PALLD: variants seen among roughly 807,000 people sequenced by gnomAD.
PALLD encodes palladin, cytoskeletal associated protein, also known as palladin.
In PALLD, 61 loss-of-function variants were observed where a neutral mutation model predicts 123.5. The ratio of observed to expected loss-of-function variants is 0.49; its 90% confidence interval spans 0.40 to 0.61. The LOEUF (loss-of-function observed/expected upper bound fraction) is 0.61. PALLD is among the 20% of genes least tolerant of loss of function. PALLD has a pLI of 0.00. For synonymous variants in PALLD, 465 were observed against 496.4 expected, an observed-to-expected ratio of 0.94 and a Z score of 0.84; for missense variants, 1,273 against 1,377.0, an observed-to-expected ratio of 0.92 and a Z score of 1.20.
rs187273158 is a variant in PALLD at position 168,921,941 on chromosome 4, C to T, written c.3058+200C>T. Among the ~76,000 whole-genome samples, 487 of 152,132 alleles carry T rather than the reference C, an allele frequency of 3.2e-3. 5 individuals are homozygous for T. Among genetic ancestry groups the T allele is most frequent in the South Asian group, 0.027 (132 of 4,814 alleles). On this transcript the variant is annotated intron_variant, in intron 18 of 21. Transcript: ENST00000505667. ...TCTTTCATTTCTCCCACTAACCTGG[C>T]AAAGAGAGAAAAAGATTTTATTAGC...
Position 168,820,003 on chromosome 4 carries a change from T to A in PALLD, c.1965-70919T>A, listed in dbSNP as rs533946480. Among the ~76,000 whole-genome samples the A allele has an allele frequency of 2.0e-5, 3 of 152,372 alleles. No individual in the cohort carries two copies. In the South Asian group the frequency reaches 6.2e-4, roughly 32 times the overall value. ...GGCTGTTCTCTAGAGCTCTACTTGCTGCCTTTGCCTTCTTGCCCCTCTCCT... is the reference window on the plus strand; with the variant it reads ...GGCTGTTCTCTAGAGCTCTACTTGCAGCCTTTGCCTTCTTGCCCCTCTCCT... On this transcript the variant is annotated intron_variant, in intron 10 of 21. Coordinates refer to ENST00000505667, the MANE Select transcript of PALLD (RefSeq NM_001166108.2).
At chr4:168,671,236 T>A (rs974681366) in intron 3 of PALLD, among the ~76,000 whole-genome samples, 1 of 152,174 alleles carries the variant, frequency 6.6e-6, no homozygotes, top group African/African-American at 2.4e-5. Flanking sequence ...ATACTGATCT[T>A]TAACTTTTAA....
At chr4:168,512,705 C>G (rs552692214) in intron 2 of PALLD, among the ~76,000 whole-genome samples, 1 of 152,270 alleles carries the variant, frequency 6.6e-6, no homozygotes, top group South Asian at 2.1e-4. Context: ...AACAAATAGG[C>G]ACACTTAAGA....
intron 2 of PALLD, among the ~76,000 whole-genome samples, chr4:168,580,241 TG>T (rs1770103560): frequency 1.1e-5 from 1 of 93,514 alleles, no homozygotes; most frequent in African/African-American, 7.5e-5. Context: ...TTCACTGTGG[TG>T]TGTGTGTGTG....
chr4:168,765,228 A>G (rs1285700612), intron 10 of PALLD, among the ~76,000 whole-genome samples: 1 of 152,234 alleles, frequency 6.6e-6, no homozygotes, highest in African/African-American at 2.4e-5. Context: ...TTGAAAATAG[A>G]GAAGGTTTAG....
At position 168,579,458 on chromosome 4, in the gene PALLD, A is replaced by AT. The variant is rs376784368; in HGVS notation, c.908+67054dup. ...ATAGGAATACTCAAACATTGCAGCA[A>AT]TTTTTTTTAGCTATGCAATACAGCG... On this transcript the variant is annotated intron_variant, in intron 2 of 21. Transcript: ENST00000505667. Among the ~76,000 whole-genome samples, 64 of 152,106 alleles carry AT rather than the reference A, an allele frequency of 4.2e-4. 1 individual carries two copies. The highest frequency in any genetic ancestry group is 1.4e-3 in the African/African-American group (59 of 41,508).
chr4:168,876,408 T>C (rs565122484), intron 10 of PALLD, among the ~76,000 whole-genome samples: 4 of 152,320 alleles, frequency 2.6e-5, no homozygotes, highest in East Asian at 1.9e-4. Flanking sequence ...TCAAGTTCAA[T>C]AGGACCCCAC....
At chr4:168,580,940 G>A (rs1447132832) in intron 2 of PALLD, among the ~76,000 whole-genome samples, 5 of 151,864 alleles carry the variant, frequency 3.3e-5, no homozygotes, top group Non-Finnish European at 7.4e-5. Context: ...TGGACAGGAG[G>A]AGGAAAACAA....
At chr4:168,910,044 T>C (rs1261544675) in intron 15 of PALLD, among the ~76,000 whole-genome samples, 1 of 152,096 alleles carries the variant, frequency 6.6e-6, no homozygotes, top group East Asian at 1.9e-4. Flanking sequence ...GAAGTGCAGG[T>C]TGGTATCAGA....
intron 1 of PALLD, among the ~76,000 whole-genome samples, chr4:168,501,831 T>C (rs1761439225): frequency 6.6e-6 from 1 of 152,220 alleles, no homozygotes; most frequent in Non-Finnish European, 1.5e-5. Flanking sequence ...GGTCTGTAGA[T>C]GTGAACATTA....
intron 2 of PALLD, among the ~76,000 whole-genome samples, chr4:168,559,346 A>G (rs980363666): frequency 3.3e-5 from 5 of 152,212 alleles, no homozygotes; most frequent in African/African-American, 9.7e-5. Flanking sequence ...AAGAAGGATC[A>G]TTAAAGGTAC....
chr4:168,660,349 A>G (rs1176554989), intron 2 of PALLD, among the ~76,000 whole-genome samples: 3 of 152,004 alleles, frequency 2.0e-5, no homozygotes, highest in African/African-American at 7.3e-5. Context: ...AGATGCAGCC[A>G]CTCTCCTTTA....
At chr4:168,770,606 T>C (rs755809725) in intron 10 of PALLD, among the ~76,000 whole-genome samples, 9 of 152,228 alleles carry the variant, frequency 5.9e-5, no homozygotes, top group Non-Finnish European at 1.3e-4. Context: ...CTTTTTCCAT[T>C]GAAGATGGAA....
chr4:168,851,334 C>T (rs1426332840), intron 10 of PALLD, among the ~76,000 whole-genome samples: 1 of 150,432 alleles, frequency 6.6e-6, no homozygotes, highest in Non-Finnish European at 1.5e-5. Flanking sequence ...GCCAGTCTCT[C>T]GTAGATTTTT....
chr4:168,791,464 G>A (rs1207968898), intron 10 of PALLD, among the ~76,000 whole-genome samples: 2 of 152,182 alleles, frequency 1.3e-5, no homozygotes, highest in African/African-American at 2.4e-5. Context: ...GGGGAAGCAA[G>A]TACCTTCTTC....
chr4:168,847,087 A>G (rs577451488), intron 10 of PALLD, among the ~76,000 whole-genome samples: 1 of 152,334 alleles, frequency 6.6e-6, no homozygotes, highest in African/African-American at 2.4e-5. Flanking sequence ...TGAAAAAAGA[A>G]AAGGATCATC....
At chr4:168,594,845 A>G (rs1416784832) in intron 2 of PALLD, among the ~76,000 whole-genome samples, 1 of 152,182 alleles carries the variant, frequency 6.6e-6, no homozygotes, top group Non-Finnish European at 1.5e-5. Context: ...ATTAAAGATA[A>G]TAATAGATCA....
At chr4:168,501,095 T>C (rs146172238) in intron 1 of PALLD, among the ~76,000 whole-genome samples, 252 of 152,270 alleles carry the variant, frequency 1.7e-3, no homozygotes, top group African/African-American at 5.6e-3. Context: ...AATCTATAAA[T>C]TAAGTGACAT....
chr4:168,772,322 T>C (rs17542750), intron 10 of PALLD, among the ~76,000 whole-genome samples: 50,915 of 152,116 alleles, frequency 0.33, 9,270 homozygotes, highest in Non-Finnish European at 0.42. Flanking sequence ...CACTTGTTCT[T>C]TCACCCTTTC....
Sources: gnomAD v4.1 joint callset for allele counts (sites outside exome capture counted in the v4.1 genomes callset) on GRCh38, gnomAD v4.1.1 for gene constraint, MANE v1.5 for transcripts, NCBI Gene and HGNC (gene_info 2026-07-23, HGNC 2026-07-21) for gene names.